Variants in SAMD5 observed in about 807,000 individuals in gnomAD.
SAMD5 encodes sterile alpha motif domain-containing protein 5.
Under a neutral mutation model 11.3 loss-of-function variants are expected in SAMD5, and 13 were observed. The ratio of observed to expected loss-of-function variants is 1.15; its 90% CI spans 0.75 to 1.83. The LOEUF (loss-of-function observed/expected upper bound fraction) is 1.83. SAMD5 is among the 40% of genes most tolerant of loss of function. SAMD5 has a pLI of 0.00. For missense variants in SAMD5, 255 were observed against 239.1 expected, an observed-to-expected ratio of 1.07 and a Z score of -0.44; for synonymous variants, 129 against 111.3, an observed-to-expected ratio of 1.16 and a Z score of -1.00.
At chr6:147,598,001 G>A (rs142666107) in intron 1 of SAMD5, among the ~76,000 whole-genome samples, 270 of 152,262 alleles carry the variant, frequency 1.8e-3, no homozygotes, top group Non-Finnish European at 2.9e-3. Flanking sequence ...ATGCTACTTT[G>A]ACTGGATCAT....
the SAMD5 span, among the ~76,000 whole-genome samples, chr6:147,896,755 A>AACAAAAAACAAACAAAC: frequency 0.055 from 7,825 of 142,176 alleles, 580 homozygotes; most frequent in African/African-American, 0.17. Flanking sequence ...AAAAAAAAAA[A>AACAAAAAACAAACAAAC]AAAAAAAACG....
chr6:147,738,454 AG>A (rs1432609627), downstream of SAMD5, among the ~76,000 whole-genome samples: 1 of 152,226 alleles, frequency 6.6e-6, no homozygotes, highest in Non-Finnish European at 1.5e-5. Context: ...TGTGAAAGGG[AG>A]AAATTAAGAG....
At chr6:147,511,571 A>C (rs1284435100) in intron 1 of SAMD5, among the ~76,000 whole-genome samples, 1 of 152,228 alleles carries the variant, frequency 6.6e-6, no homozygotes, top group Non-Finnish European at 1.5e-5. Flanking sequence ...ATGGAAGAAT[A>C]AAATAGAAAC....
At chr6:147,919,214 G>T in the SAMD5 span, among the ~76,000 whole-genome samples, 1 of 152,154 alleles carries the variant, frequency 6.6e-6, no homozygotes, top group Non-Finnish European at 1.5e-5. Flanking sequence ...CACGTGTTAC[G>T]AATTGGTAAT....
the SAMD5 span, among the ~76,000 whole-genome samples, chr6:147,888,179 T>C: frequency 1.3e-5 from 2 of 152,148 alleles, no homozygotes; most frequent in African/African-American, 4.8e-5. Context: ...TATTTTTCTT[T>C]TATAGATCAT....
At chr6:147,516,762 A>G (rs561771988) in intron 1 of SAMD5, among the ~76,000 whole-genome samples, 2 of 152,218 alleles carry the variant, frequency 1.3e-5, no homozygotes, top group South Asian at 2.1e-4. Flanking sequence ...CTGCCGGATC[A>G]TATGGCCCAA....
chr6:147,580,178 C>T (rs1345769186), intron 1 of SAMD5, among the ~76,000 whole-genome samples: 1 of 152,100 alleles, frequency 6.6e-6, no homozygotes, highest in East Asian at 1.9e-4. Flanking sequence ...GTGTCTGGAC[C>T]CCAGCACTGA....
chr6:147,950,933 G>C, the SAMD5 span, among the ~76,000 whole-genome samples: 4 of 151,378 alleles, frequency 2.6e-5, no homozygotes, highest in Admixed American at 2.6e-4. Context: ...TTCTGGAAGG[G>C]TGTTCTGCTT....
At chr6:147,932,692 A>C in the SAMD5 span, among the ~76,000 whole-genome samples, 1 of 151,238 alleles carries the variant, frequency 6.6e-6, no homozygotes, top group Non-Finnish European at 1.5e-5. Flanking sequence ...GAAATGAGGC[A>C]CACCACACCT....
intron 1 of SAMD5, among the ~76,000 whole-genome samples, chr6:147,582,693 C>T (rs1184336095): frequency 6.6e-6 from 1 of 152,202 alleles, no homozygotes; most frequent in African/African-American, 2.4e-5. Flanking sequence ...GAATCAAGCA[C>T]AATACTTGTT....
At chr6:147,824,418 A>C in the SAMD5 span, among the ~76,000 whole-genome samples, 1 of 152,176 alleles carries the variant, frequency 6.6e-6, no homozygotes, top group South Asian at 2.1e-4. Context: ...TAAAAAACCT[A>C]ACAGAGGGAA....
At chr6:147,713,620 A>C (rs1277673348) in intron 1 of SAMD5, among the ~76,000 whole-genome samples, 1 of 152,178 alleles carries the variant, frequency 6.6e-6, no homozygotes, top group Non-Finnish European at 1.5e-5. Flanking sequence ...AAGAGATCAT[A>C]GTGTCTATCC....
Position 147,568,151 on chromosome 6 carries a change from G to A in SAMD5, c.*3695G>A, listed in dbSNP as rs184177134. 351 of 985,284 alleles carry A rather than the reference G, an allele frequency of 3.6e-4. No homozygotes were observed. Among genetic ancestry groups the A allele is most frequent in the Non-Finnish European group, 3.8e-4 (317 of 829,884 alleles). 61.0% of individuals were successfully genotyped at this position (985,284 alleles called of 1,614,324 possible). On this transcript the variant is annotated 3_prime_UTR_variant, in exon 2 of 2. Coordinates refer to ENST00000367474, the MANE Select transcript of SAMD5 (RefSeq NM_001030060.3). Reference sequence around the variant, plus strand: ...TAGGAGTGCAAATGGGCTGTTCCCCGATAGCATCTTCTGGGAAGAATCCAA... The same window carrying A: ...TAGGAGTGCAAATGGGCTGTTCCCCAATAGCATCTTCTGGGAAGAATCCAA...
At chr6:147,665,331 CA>C (rs1562346696) in intron 1 of SAMD5, among the ~76,000 whole-genome samples, 2 of 152,082 alleles carry the variant, frequency 1.3e-5, no homozygotes, top group Non-Finnish European at 2.9e-5. Flanking sequence ...ATGGGGAAAA[CA>C]GGGAGAAGTA....
intron 1 of SAMD5, among the ~76,000 whole-genome samples, chr6:147,630,351 G>A (rs1228929855): frequency 6.6e-6 from 1 of 152,174 alleles, no homozygotes; most frequent in Non-Finnish European, 1.5e-5. Context: ...ATGTGAGAGA[G>A]ACTTGTGACA....
At chr6:147,546,100 C>T (rs992877394) in intron 1 of SAMD5, among the ~76,000 whole-genome samples, 5 of 152,136 alleles carry the variant, frequency 3.3e-5, no homozygotes, top group Admixed American at 6.5e-5. Context: ...CTGGCTCCTG[C>T]GAAGTCCTTA....
intron 1 of SAMD5, among the ~76,000 whole-genome samples, chr6:147,596,077 T>C (rs1360073461): frequency 6.6e-6 from 1 of 152,202 alleles, no homozygotes; most frequent in Non-Finnish European, 1.5e-5. Flanking sequence ...CCTTCTATGT[T>C]TGTCAGTTTC....
At chr6:147,740,984 T>C (rs538725689), downstream of SAMD5, among the ~76,000 whole-genome samples, 2 of 152,348 alleles carry the variant, frequency 1.3e-5, no homozygotes, top group Admixed American at 6.5e-5. Context: ...ATTGACTGTG[T>C]TAAGTGTGCT....
At chr6:147,861,082 G>A in the SAMD5 span, among the ~76,000 whole-genome samples, 1 of 152,142 alleles carries the variant, frequency 6.6e-6, no homozygotes, top group African/African-American at 2.4e-5. Flanking sequence ...AATCACATCT[G>A]TAGTGGGTCT....
Sources: allele counts gnomAD v4.1 joint callset (sites outside exome capture counted in the v4.1 genomes callset), GRCh38; gene constraint gnomAD v4.1.1; transcripts MANE v1.5; gene names NCBI Gene and HGNC (gene_info 2026-07-23, HGNC 2026-07-21).